The following EFR3B variants were observed in gnomAD, a reference collection of about 807,000 sequenced individuals.
EFR3B encodes the protein EFR3 homolog B.
EFR3B carries 64 observed loss-of-function variants against 104.7 expected under a neutral mutation model. That is an observed-to-expected ratio of 0.61 (90% CI 0.50 to 0.75). EFR3B has a LOEUF of 0.75. EFR3B is among the 30% of genes least tolerant of loss of function. EFR3B has a pLI of 0.00. For missense variants in EFR3B, 750 were observed against 1,078.5 expected (o/e 0.70, Z 4.27); for synonymous variants, 385 against 417.9 (o/e 0.92, Z 0.96).
At chr2:25,069,150 C>T (rs1405302732) in intron 1 of EFR3B, among the ~76,000 whole-genome samples, 3 of 151,978 alleles carry the variant, frequency 2.0e-5, no homozygotes, top group East Asian at 1.9e-4. Flanking sequence ...TCAGGTGATC[C>T]GCCCACCTCG....
intron 1 of EFR3B, among the ~76,000 whole-genome samples, chr2:25,076,751 T>A (rs1668643207): frequency 6.6e-6 from 1 of 152,214 alleles, no homozygotes; most frequent in Admixed American, 6.5e-5. Flanking sequence ...CACGTTTCTC[T>A]CCTTTTAAAT....
rs1459415401 is a variant in EFR3B, at chr2:25,131,371, C to T, written c.853C>T (p.Gln285Ter). 16 of 1,550,288 alleles carry T rather than the reference C, an allele frequency of 1.0e-5. No individual in the cohort carries two copies. Among genetic ancestry groups the T allele is most frequent in the Non-Finnish European group, 1.4e-5 (16 of 1,146,488 alleles). The change falls in exon 9 of 23, where the codon CAG becomes TAG. Residue 285 changes from glutamine (Q) to a stop codon, truncating the protein, a stop_gained. Transcript: ENST00000403714. LOFTEE classifies it high-confidence loss of function. This position sits in a 1 kb window ranked among gnomAD's most constrained non-coding sequence, Gnocchi z 7.6. ...FKIIMYSIQP[Q>*]HSHLVIQQLL... ...CCAGCTCATCTTCCTCCCGCAGCCG[C>T]AGCACTCACACCTGGTCATCCAGCA...
chr2:25,047,068 A>G (rs765167732), intron 1 of EFR3B, among the ~76,000 whole-genome samples: 2 of 152,214 alleles, frequency 1.3e-5, no homozygotes, highest in Admixed American at 6.5e-5. Context: ...CTCACAGTTC[A>G]GTGAATACAA....
In EFR3B at chr2:25,137,251, C is replaced by T. The variant is rs2149208237; in HGVS notation, c.1561-90C>T. 2 of 1,437,238 alleles carry T rather than the reference C, an allele frequency of 1.4e-6. No homozygotes were observed. The highest frequency in any genetic ancestry group is 1.4e-5 in the African/African-American group (1 of 70,716). The allele number at this position is 1,437,238 out of a possible 1,614,324, so 89.0% of individuals were successfully genotyped here. A position where few individuals can be genotyped will look rare whatever the true frequency, so the allele number is the denominator to read the frequency against. ...AGGAGGGGGCACACAGCCATCCTGC[C>T]CCCCTTCAGATTGGTCTTCCTCCGT... On this transcript the variant is annotated intron_variant, in intron 14 of 22. Transcript: ENST00000403714. The surrounding 1 kb of genome is among the most constrained non-coding windows in gnomAD (Gnocchi z 4.7).
chr2:25,101,368 G>C (rs1369523783), intron 3 of EFR3B, among the ~76,000 whole-genome samples: 3 of 152,006 alleles, frequency 2.0e-5, no homozygotes, highest in Non-Finnish European at 4.4e-5. Context: ...GTTTATTTTT[G>C]AGACAAGATC....
chr2:25,104,977 T>C (rs1669524576), intron 4 of EFR3B, among the ~76,000 whole-genome samples: 1 of 152,232 alleles, frequency 6.6e-6, no homozygotes, highest in Non-Finnish European at 1.5e-5. Flanking sequence ...TGGTTGTCTT[T>C]AATATCTTGC....
intron 21 of EFR3B, among the ~76,000 whole-genome samples, chr2:25,152,813 A>AGTGTGTGT (rs60834744): frequency 2.8e-5 from 4 of 141,352 alleles, no homozygotes; most frequent in Admixed American, 1.4e-4. Flanking sequence ...TTCATATAGA[A>AGTGTGTGT]GTGTGTGTGT....
intron 4 of EFR3B, among the ~76,000 whole-genome samples, chr2:25,120,417 G>T (rs374756417): frequency 6.6e-6 from 1 of 152,012 alleles, no homozygotes; most frequent in Non-Finnish European, 1.5e-5. Context: ...AGGCTGAGGC[G>T]GGCGGATCAC....
chr2:25,056,159 G>A (rs1300168597), intron 1 of EFR3B, among the ~76,000 whole-genome samples: 2 of 152,192 alleles, frequency 1.3e-5, no homozygotes, highest in Non-Finnish European at 1.5e-5. Context: ...TGTCATCTCA[G>A]CGTGTCTTTT....
At chr2:25,138,063 T>C (rs549905190) in intron 15 of EFR3B, among the ~76,000 whole-genome samples, 21 of 152,240 alleles carry the variant, frequency 1.4e-4, no homozygotes, top group African/African-American at 4.6e-4. Context: ...TCCCAGCTAC[T>C]TGGGAGACTG....
chr2:25,139,190 G>A lies in EFR3B; in HGVS notation c.1854G>A (p.Glu618=). 1.3e-6 allele frequency: 2 copies of A among 1,550,540 alleles called. No individual in the cohort carries two copies. Among genetic ancestry groups the A allele is most frequent in the Non-Finnish European group, 1.7e-6 (2 of 1,146,708 alleles). ...CTGCCTTCTGCCAGCACATCCATGA[G>A]GTTGGTGTTCTCACGACCAAGAGCT... The part of the protein sequence containing the change: ...TVPAFCQHIH[E]VIETRKKEAP... The change falls in exon 16 of 23, where the codon GAG becomes GAA. Residue 618 remains glutamate (E), a splice_region_variant and synonymous_variant. Transcript: ENST00000403714.
At chr2:25,079,817 C>T in intron 1 of EFR3B, 1 of 683,006 alleles carries the variant, frequency 1.5e-6, no homozygotes, top group Non-Finnish European at 2.6e-6. Context: ...CCTCCACACA[C>T]CAAAAAGAAC....
intron 1 of EFR3B, among the ~76,000 whole-genome samples, chr2:25,069,844 G>C (rs1668445165): frequency 6.6e-6 from 1 of 152,104 alleles, no homozygotes; most frequent in African/African-American, 2.4e-5. Flanking sequence ...CTACAGGCAT[G>C]CGCCACCACG....
rs56005417 is a variant in EFR3B at position 25,052,496 on chromosome 2, CTTTTTTTTT to C, written c.7+10192_7+10200del. On this transcript the variant is annotated intron_variant, in intron 1 of 22. Transcript: ENST00000403714. ...GCACCACTATGTGCCAGGCAGAATT[CTTTTTTTTT>C]TTTTTTTTTTTTTTGAGACGGAGTC... Among the ~76,000 whole-genome samples, 136 of 95,714 alleles carry C rather than the reference CTTTTTTTTT, an allele frequency of 1.4e-3. 1 individual carries two copies. The highest frequency in any genetic ancestry group is 6.4e-3 in the African/African-American group (132 of 20,770). The allele number at this position is 95,714 out of a possible 152,430, so 62.8% of individuals were successfully genotyped here. A position where few individuals can be genotyped will look rare whatever the true frequency, so the allele number is the denominator to read the frequency against.
At chr2:25,096,844 C>T (rs1017170479) in intron 3 of EFR3B, among the ~76,000 whole-genome samples, 6 of 152,116 alleles carry the variant, frequency 3.9e-5, no homozygotes, top group African/African-American at 1.2e-4. Context: ...CAGGCCTCAC[C>T]AGCAAATCTT....
At position 25,139,463 on chromosome 2, in the gene EFR3B, T is replaced by C. The variant is rs541021590; in HGVS notation, c.1854+273T>C. ...CCTCCACTTCCTGCCCCTCTGTCTT[T>C]CCCCTACTCACGGGAGCACACCCGC... On this transcript the variant is annotated intron_variant, in intron 16 of 22. Coordinates refer to ENST00000403714, the MANE Select transcript of EFR3B (RefSeq NM_014971.2). Among the ~76,000 whole-genome samples, 182 of 151,868 alleles carry C rather than the reference T, an allele frequency of 1.2e-3. 3 individuals are homozygous for C. The South Asian group carries it at 0.024, about 20-fold the overall frequency.
rs1419515800 is a variant in EFR3B at position 25,154,575 on chromosome 2, GTCTTC to G, written c.*240_*244del. 1.0e-5 allele frequency: 5 copies of G among 491,392 alleles called. No homozygotes were observed. Among genetic ancestry groups the G allele is most frequent in the Non-Finnish European group, 1.8e-5 (5 of 278,834 alleles). The allele number at this position is 491,392 out of a possible 1,614,324, so 30.4% of individuals were successfully genotyped here. A position where few individuals can be genotyped will look rare whatever the true frequency, so the allele number is the denominator to read the frequency against. On this transcript the variant is annotated 3_prime_UTR_variant, in exon 23 of 23. Transcript: ENST00000403714. This position sits in a 1 kb window ranked among gnomAD's most constrained non-coding sequence, Gnocchi z 4.1. The stretch of plus-strand genomic sequence containing the variant: ...TCAGCATCTCACCTGTGCCCTCTTT[GTCTTC>G]TCTTGTGTCAGCCAGGGGCAGAGAA...
chr2:25,153,900 G>A, intron 22 of EFR3B, 139 bp downstream of exon 22: 2 of 944,866 alleles, frequency 2.1e-6, no homozygotes, highest in Non-Finnish European at 3.3e-6. Flanking sequence ...CCCCTGGGCT[G>A]GAGTCAGCCA....
chr2:25,046,946 G>A (rs1013003286), intron 1 of EFR3B, among the ~76,000 whole-genome samples: 1 of 152,216 alleles, frequency 6.6e-6, no homozygotes, highest in African/African-American at 2.4e-5. Context: ...CCATGATCCA[G>A]GTATGGCCTA....
Sources: gnomAD v4.1 joint callset for allele counts (sites outside exome capture counted in the v4.1 genomes callset) on GRCh38, gnomAD v4.1.1 for gene constraint, Gnocchi (gnomAD v3.1) non-coding constraint, MANE v1.5 for transcripts, NCBI Gene and HGNC (gene_info 2026-07-23, HGNC 2026-07-21) for gene names.